Variants in JAZF1 observed in about 807,000 individuals in gnomAD.
JAZF1 encodes the protein juxtaposed with another zinc finger protein 1.
JAZF1 carries 8 observed loss-of-function variants against 26.4 expected under a neutral mutation model. That is an observed-to-expected ratio of 0.30 (90% CI 0.18 to 0.55). The LOEUF is 0.55. Ranked by LOEUF, JAZF1 falls within the 20% of genes least tolerant of loss-of-function variation. The probability of loss-of-function intolerance (pLI) is 0.94; values close to 1 mark genes in which losing one functional copy is unlikely to be tolerated. For synonymous variants in JAZF1, 126 were observed against 122.3 expected (o/e 1.03, Z -0.20); for missense variants, 199 against 322.0 (o/e 0.62, Z 2.92).
intron 3 of JAZF1, among the ~76,000 whole-genome samples, chr7:27,882,375 C>T (rs2128339738): frequency 6.6e-6 from 1 of 152,040 alleles, no homozygotes; most frequent in African/African-American, 2.4e-5. Context: ...TGAAATAAAT[C>T]TTTGATCTGA....
In JAZF1 at chr7:27,987,389, G is replaced by A. The variant is rs1010261272; in HGVS notation, c.188+4520C>T. Among the ~76,000 whole-genome samples the A allele has an allele frequency of 4.0e-4, 60 of 149,032 alleles. 1 individual carries two copies. The highest frequency in any genetic ancestry group is 3.7e-3 in the Middle Eastern group (1 of 268). On this transcript the variant is annotated intron_variant, in intron 2 of 4. Transcript: ENST00000283928. ...AGGAGCGTCTCTGCCCGGCCGCCCCGTCTGAGAAGTGAGGAGCCCCTCCAC... is the reference window on the plus strand; with the variant it reads ...AGGAGCGTCTCTGCCCGGCCGCCCCATCTGAGAAGTGAGGAGCCCCTCCAC...
intron 3 of JAZF1, among the ~76,000 whole-genome samples, chr7:27,844,983 G>A (rs988825820): frequency 6.6e-6 from 1 of 152,234 alleles, no homozygotes; most frequent in Non-Finnish European, 1.5e-5. Flanking sequence ...TAAGCCAAAG[G>A]AGAGGTGCCG....
chr7:27,909,681 G>A (rs1178000756), intron 2 of JAZF1, among the ~76,000 whole-genome samples: 2 of 151,992 alleles, frequency 1.3e-5, no homozygotes. Context: ...CCTCCAGCCT[G>A]GGCAACAAGA....
chr7:27,917,438 G>C (rs1388552595), intron 2 of JAZF1, among the ~76,000 whole-genome samples: 2 of 152,198 alleles, frequency 1.3e-5, no homozygotes, highest in Non-Finnish European at 2.9e-5. Flanking sequence ...TTAGACCACA[G>C]TTCTGACTCA....
At chr7:27,986,398 A>G (rs1785707268) in intron 2 of JAZF1, among the ~76,000 whole-genome samples, 1 of 152,188 alleles carries the variant, frequency 6.6e-6, no homozygotes, top group African/African-American at 2.4e-5. Flanking sequence ...TAGGAATACA[A>G]CTTACAAGGG....
intron 1 of JAZF1, among the ~76,000 whole-genome samples, chr7:28,073,013 C>T (rs188273674): frequency 4.6e-5 from 7 of 152,306 alleles, no homozygotes; most frequent in African/African-American, 1.7e-4. Context: ...AAACTCCAGC[C>T]TTGCCTCAGT....
intron 3 of JAZF1, among the ~76,000 whole-genome samples, chr7:27,854,065 G>A (rs967810607): frequency 3.3e-5 from 5 of 152,272 alleles, no homozygotes; most frequent in African/African-American, 7.2e-5. Flanking sequence ...TGTTTTGGGT[G>A]CGTATATATT....
In JAZF1 at chr7:27,831,620, A is replaced by G. The variant is rs1583419724; in HGVS notation, c.*1180T>C. On this transcript the variant is annotated 3_prime_UTR_variant, in exon 5 of 5. Coordinates refer to ENST00000283928, the MANE Select transcript of JAZF1 (RefSeq NM_175061.4). ...ATAAGGCTCATTTTCCTATTTCAGC[A>G]AAGTGTTTGTTTTATAAAGCTAAAC... The G allele has an allele frequency of 1.3e-5, 3 of 225,968 alleles. No individual in the cohort carries two copies. In the East Asian group the frequency reaches 1.9e-4, roughly 14 times the overall value. The allele number at this position is 225,968 out of a possible 1,614,324, so 14.0% of individuals were successfully genotyped here.
chr7:27,830,982 T>C lies in JAZF1; in HGVS notation c.*1818A>G, dbSNP rs1361961613. On this transcript the variant is annotated 3_prime_UTR_variant, in exon 5 of 5. Transcript: ENST00000283928. ...CACTAGAAAGAGCGAAGCTAAATAA[T>C]AATTGCTGGCCTAAAAAATTTTTTT... 1 of 219,416 alleles carries C rather than the reference T, an allele frequency of 4.6e-6. No homozygotes were observed. Among genetic ancestry groups the C allele is most frequent in the African/African-American group, 2.2e-5 (1 of 44,628 alleles). The allele number at this position is 219,416 out of a possible 1,614,324, so 13.6% of individuals were successfully genotyped here.
At chr7:28,153,823 C>T (rs773354781) in intron 1 of JAZF1, among the ~76,000 whole-genome samples, 2 of 152,078 alleles carry the variant, frequency 1.3e-5, no homozygotes, top group Non-Finnish European at 2.9e-5. Flanking sequence ...CTCACCATAC[C>T]CAGAAATCCA....
chr7:27,993,927 A>C (rs1166708750), intron 1 of JAZF1, among the ~76,000 whole-genome samples: 1 of 152,154 alleles, frequency 6.6e-6, no homozygotes, highest in Non-Finnish European at 1.5e-5. Context: ...AGGCCCATAA[A>C]CATTTTTATA....
intron 2 of JAZF1, among the ~76,000 whole-genome samples, chr7:27,909,478 G>A (rs536608747): frequency 1.1e-4 from 17 of 151,944 alleles, no homozygotes; most frequent in Admixed American, 9.8e-4. Context: ...AGGCCAAGGC[G>A]GGCGGATCAC....
chr7:28,128,827 G>T (rs1782742386), intron 1 of JAZF1, among the ~76,000 whole-genome samples: 1 of 152,132 alleles, frequency 6.6e-6, no homozygotes, highest in African/African-American at 2.4e-5. Context: ...TTCAAAATAA[G>T]CACATTCATG....
intron 1 of JAZF1, among the ~76,000 whole-genome samples, chr7:28,094,635 C>T (rs1016256783): frequency 3.3e-5 from 5 of 152,184 alleles, no homozygotes; most frequent in African/African-American, 1.2e-4. Flanking sequence ...CCAGTAGGCA[C>T]CCAGCACTTG....
At chr7:28,180,410 C>A (rs1783625606) in intron 1 of JAZF1, 53 bp downstream of exon 1, 2 of 1,451,464 alleles carry the variant, frequency 1.4e-6, no homozygotes, top group Admixed American at 1.8e-5. Context: ...GCTCCCCGCC[C>A]GGGCAGGAGT....
At chr7:27,855,437 G>T (rs1583432168) in intron 3 of JAZF1, among the ~76,000 whole-genome samples, 1 of 152,020 alleles carries the variant, frequency 6.6e-6, no homozygotes, top group Non-Finnish European at 1.5e-5. Context: ...CCAGGAGCTG[G>T]TTTTTTGAAA....
chr7:28,110,573 G>GAAAGGA (rs1784641315), intron 1 of JAZF1, among the ~76,000 whole-genome samples: 1 of 117,748 alleles, frequency 8.5e-6, no homozygotes, highest in African/African-American at 3.4e-5. Context: ...AAGGAAAAGG[G>GAAAGGA]AAAGGGAAAA....
intron 3 of JAZF1, among the ~76,000 whole-genome samples, chr7:27,869,827 A>G (rs544090420): frequency 5.3e-5 from 8 of 152,296 alleles, no homozygotes; most frequent in African/African-American, 1.9e-4. Flanking sequence ...TTCTGTGCAA[A>G]GTAAAGGGAG....
At chr7:28,033,384 C>T (rs1340967064) in intron 1 of JAZF1, among the ~76,000 whole-genome samples, 2 of 152,172 alleles carry the variant, frequency 1.3e-5, no homozygotes, top group East Asian at 3.8e-4. Flanking sequence ...CAGACTGTGG[C>T]TCTGATTAGA....
Sources: gnomAD v4.1 joint callset for allele counts (sites outside exome capture counted in the v4.1 genomes callset) on GRCh38, gnomAD v4.1.1 for gene constraint, MANE v1.5 for transcripts, NCBI Gene and HGNC (gene_info 2026-07-23, HGNC 2026-07-21) for gene names.